ZBTB7C: variants seen among roughly 807,000 people sequenced by gnomAD.
ZBTB7C encodes zinc finger and BTB domain-containing protein 7C.
ZBTB7C carries 8 observed loss-of-function variants against 25.7 expected under a neutral mutation model. The ratio of observed to expected loss-of-function variants is 0.31; its 90% CI spans 0.18 to 0.56. The LOEUF (loss-of-function observed/expected upper bound fraction) is 0.56. ZBTB7C is among the 20% of genes least tolerant of loss of function. The probability of loss-of-function intolerance (pLI) is 0.91; values close to 1 mark genes in which losing one functional copy is unlikely to be tolerated. For synonymous variants in ZBTB7C, 394 were observed against 369.0 expected, an observed-to-expected ratio of 1.07 and a Z score of -0.78; for missense variants, 824 against 855.2, an observed-to-expected ratio of 0.96 and a Z score of 0.46.
intron 1 of ZBTB7C, among the ~76,000 whole-genome samples, chr18:48,407,006 A>G (rs1186873764): frequency 6.6e-6 from 1 of 152,222 alleles, no homozygotes; most frequent in Non-Finnish European, 1.5e-5. Flanking sequence ...TAATTTAGAC[A>G]CTTTGTTTGC....
chr18:48,285,272 C>T (rs2045009539), intron 2 of ZBTB7C, among the ~76,000 whole-genome samples: 1 of 152,142 alleles, frequency 6.6e-6, no homozygotes, highest in Admixed American at 6.5e-5. Context: ...GTCTTTTGTG[C>T]CTTTCAATTC....
chr18:48,181,005 T>C (rs1258916726), intron 3 of ZBTB7C, among the ~76,000 whole-genome samples: 1 of 152,216 alleles, frequency 6.6e-6, no homozygotes, highest in Non-Finnish European at 1.5e-5. Flanking sequence ...ACTGTTACTT[T>C]TCACTTGTAA....
chr18:48,067,062 A>G (rs1451911359), intron 3 of ZBTB7C, among the ~76,000 whole-genome samples: 1 of 152,158 alleles, frequency 6.6e-6, no homozygotes, highest in African/African-American at 2.4e-5. Context: ...AGATTGTGCC[A>G]CTGCACTCTA....
intron 2 of ZBTB7C, among the ~76,000 whole-genome samples, chr18:48,198,725 G>A (rs1357626685): frequency 6.6e-6 from 1 of 152,134 alleles, no homozygotes; most frequent in African/African-American, 2.4e-5. Flanking sequence ...CCATCTCAGG[G>A]CCAGCTGATT....
intron 2 of ZBTB7C, among the ~76,000 whole-genome samples, chr18:48,292,727 C>G (rs555076358): frequency 6.6e-6 from 1 of 152,320 alleles, no homozygotes; most frequent in African/African-American, 2.4e-5. Flanking sequence ...AGCCATTCCT[C>G]AATACCTGGG....
chr18:48,112,263 T>TC (rs1184291977), intron 3 of ZBTB7C, among the ~76,000 whole-genome samples: 1 of 127,298 alleles, frequency 7.9e-6, no homozygotes, highest in East Asian at 1.9e-4. Flanking sequence ...TTTTTTTCTT[T>TC]TTTTTTTTTT....
chr18:48,353,525 G>A (rs1457679976), intron 1 of ZBTB7C, among the ~76,000 whole-genome samples: 1 of 152,148 alleles, frequency 6.6e-6, no homozygotes, highest in African/African-American at 2.4e-5. Flanking sequence ...AAACCAGGCT[G>A]CAGCCTGGGC....
intron 3 of ZBTB7C, among the ~76,000 whole-genome samples, chr18:48,046,151 C>A (rs1417105776): frequency 1.3e-5 from 2 of 152,234 alleles, no homozygotes; most frequent in Non-Finnish European, 2.9e-5. Context: ...TTTATTCTCA[C>A]TTTAAGCCAC....
chr18:48,367,802 A>ACCCAAAC (rs1290733519), intron 1 of ZBTB7C, among the ~76,000 whole-genome samples: 1 of 151,716 alleles, frequency 6.6e-6, no homozygotes, highest in Non-Finnish European at 1.5e-5. Flanking sequence ...TAAGGAGACT[A>ACCCAAAC]CCCCAACCCC....
intron 1 of ZBTB7C, among the ~76,000 whole-genome samples, chr18:48,381,364 T>C (rs2047630257): frequency 6.6e-6 from 1 of 152,200 alleles, no homozygotes; most frequent in Admixed American, 6.5e-5. Context: ...GAGAAATTTC[T>C]GTAAAATAAT....
Position 48,284,883 on chromosome 18 carries a change from C to G in ZBTB7C, c.-79+53291G>C, listed in dbSNP as rs1054982345. Among the ~76,000 whole-genome samples the G allele has an allele frequency of 1.1e-4, 17 of 151,872 alleles. 1 individual carries two copies. The highest frequency in any genetic ancestry group is 1.8e-4 in the Non-Finnish European group (12 of 68,002). On this transcript the variant is annotated intron_variant, in intron 2 of 4. Transcript: ENST00000590800. The stretch of plus-strand genomic sequence containing the variant: ...TGGTTTTATAGTTATCTCACCCTCT[C>G]CTGAGCCTTGCTCTTGTCCAGCATG...
At chr18:48,075,822 C>G (rs550505094) in intron 3 of ZBTB7C, among the ~76,000 whole-genome samples, 87 of 152,322 alleles carry the variant, frequency 5.7e-4, no homozygotes, top group Middle Eastern at 6.8e-3. Context: ...CCGCTAATCT[C>G]CCAGCACGTC....
chr18:48,395,994 G>A (rs2048022115), intron 1 of ZBTB7C, among the ~76,000 whole-genome samples: 1 of 152,228 alleles, frequency 6.6e-6, no homozygotes, highest in Non-Finnish European at 1.5e-5. Context: ...TCTGTCACAA[G>A]AAATTCCAGC....
At chr18:48,266,100 G>C (rs147733865) in intron 2 of ZBTB7C, among the ~76,000 whole-genome samples, 1 of 152,124 alleles carries the variant, frequency 6.6e-6, no homozygotes, top group East Asian at 1.9e-4. Flanking sequence ...TCCTTGTACT[G>C]CATTTGTGCC....
intron 2 of ZBTB7C, among the ~76,000 whole-genome samples, chr18:48,228,420 T>G: frequency 6.6e-6 from 1 of 152,250 alleles, no homozygotes; most frequent in Middle Eastern, 3.4e-3. Flanking sequence ...CACTGGGTCC[T>G]TGCTATGAGA....
At chr18:48,127,579 G>A (rs2039845184) in intron 3 of ZBTB7C, among the ~76,000 whole-genome samples, 1 of 152,232 alleles carries the variant, frequency 6.6e-6, no homozygotes, top group Admixed American at 6.5e-5. Context: ...GCCCCCACTG[G>A]TTGTGAGGAA....
chr18:48,386,767 C>G (rs147070200), intron 1 of ZBTB7C, among the ~76,000 whole-genome samples: 2 of 152,286 alleles, frequency 1.3e-5, no homozygotes, highest in African/African-American at 4.8e-5. Flanking sequence ...GAAATTCTAG[C>G]CTTATTGTGC....
chr18:48,036,630 G>T (rs1287929690), intron 4 of ZBTB7C, among the ~76,000 whole-genome samples: 1 of 152,154 alleles, frequency 6.6e-6, no homozygotes, highest in Non-Finnish European at 1.5e-5. Flanking sequence ...AGGACCTGAG[G>T]GCAGCATGTC....
At chr18:48,271,200 T>C (rs2044476340) in intron 2 of ZBTB7C, among the ~76,000 whole-genome samples, 1 of 152,086 alleles carries the variant, frequency 6.6e-6, no homozygotes, top group Admixed American at 6.5e-5. Flanking sequence ...AAGCAAACTG[T>C]CTCAGAGAAT....
Sources: gnomAD v4.1 joint callset for allele counts (sites outside exome capture counted in the v4.1 genomes callset) on GRCh38, gnomAD v4.1.1 for gene constraint, MANE v1.5 for transcripts, NCBI Gene and HGNC (gene_info 2026-07-23, HGNC 2026-07-21) for gene names.